Variants in CADM2 observed in about 807,000 individuals in gnomAD.
CADM2 encodes the protein cell adhesion molecule 2.
CADM2 carries 12 observed loss-of-function variants against 49.8 expected under a neutral mutation model. The observed-to-expected ratio is 0.24, with a 90% confidence interval of 0.15 to 0.39. CADM2 has a LOEUF of 0.39. CADM2 is among the 10% of genes least tolerant of loss of function. CADM2 has a pLI of 1.00. For synonymous variants in CADM2, 214 were observed against 175.4 expected, an observed-to-expected ratio of 1.22 and a Z score of -1.74; for missense variants, 378 against 492.3, an observed-to-expected ratio of 0.77 and a Z score of 2.20.
At chr3:85,347,816 T>G (rs1012042632) in intron 1 of CADM2, among the ~76,000 whole-genome samples, 62 of 132,292 alleles carry the variant, frequency 4.7e-4, no homozygotes, top group Non-Finnish European at 8.0e-4. Context: ...AGTTTTTTGT[T>G]TTTTTTTTTA....
intron 1 of CADM2, among the ~76,000 whole-genome samples, chr3:85,602,229 T>G (rs2063427549): frequency 6.6e-6 from 1 of 151,814 alleles, no homozygotes; most frequent in Non-Finnish European, 1.5e-5. Flanking sequence ...TAATGCTCCC[T>G]GTTTTTAGAA....
chr3:85,112,358 T>A (rs1219477304), intron 1 of CADM2, among the ~76,000 whole-genome samples: 1 of 138,962 alleles, frequency 7.2e-6, no homozygotes, highest in South Asian at 2.1e-4. Context: ...AAACTGTCAT[T>A]TTTTTTTTTT....
intron 8 of CADM2, among the ~76,000 whole-genome samples, chr3:85,977,205 T>A (rs1726900648): frequency 6.6e-6 from 1 of 151,324 alleles, no homozygotes. Flanking sequence ...AATCCTGTGA[T>A]TTGTATTCCT....
At chr3:85,982,202 GGTTT>G (rs1311185983) in intron 8 of CADM2, among the ~76,000 whole-genome samples, 1 of 151,356 alleles carries the variant, frequency 6.6e-6, no homozygotes, top group Non-Finnish European at 1.5e-5. Context: ...TAAAATCAGT[GGTTT>G]ACTCTTTCTG....
At chr3:84,961,970 A>G (rs1042346506) in intron 1 of CADM2, among the ~76,000 whole-genome samples, 2 of 152,086 alleles carry the variant, frequency 1.3e-5, no homozygotes, top group East Asian at 3.9e-4. Flanking sequence ...ACCCGGAGAG[A>G]TTCCATCAGC....
chr3:85,107,302 A>G (rs1237506323), intron 1 of CADM2, among the ~76,000 whole-genome samples: 1 of 152,218 alleles, frequency 6.6e-6, no homozygotes, highest in Admixed American at 6.5e-5. Context: ...TAAAAAGAAG[A>G]ATGAGTAAAG....
chr3:85,914,134 G>T (rs1403937027), intron 6 of CADM2, among the ~76,000 whole-genome samples: 10 of 152,082 alleles, frequency 6.6e-5, no homozygotes, highest in Non-Finnish European at 1.5e-4. Context: ...ATGTTTAAAT[G>T]ATTACAATTA....
chr3:85,658,287 C>T (rs1423809620), intron 1 of CADM2, among the ~76,000 whole-genome samples: 1 of 151,748 alleles, frequency 6.6e-6, no homozygotes, highest in African/African-American at 2.4e-5. Context: ...CAAGGAATGC[C>T]AAATACTGCA....
At chr3:85,422,927 G>C (rs2036240802) in intron 1 of CADM2, among the ~76,000 whole-genome samples, 1 of 152,130 alleles carries the variant, frequency 6.6e-6, no homozygotes, top group South Asian at 2.1e-4. Flanking sequence ...TCAGTGAAGA[G>C]TCAGTGTGAC....
chr3:85,417,970 A>C (rs1457693129), intron 1 of CADM2, among the ~76,000 whole-genome samples: 1 of 152,174 alleles, frequency 6.6e-6, no homozygotes, highest in Admixed American at 6.5e-5. Flanking sequence ...CCTTAGACAT[A>C]CTTTAAGTAG....
chr3:85,454,712 T>G (rs2037914541), intron 1 of CADM2, among the ~76,000 whole-genome samples: 2 of 152,120 alleles, frequency 1.3e-5, no homozygotes. Context: ...ACCCATTAAC[T>G]CAACAAATAT....
chr3:86,070,200 G>A lies in CADM2; in HGVS notation c.*3417G>A. On this transcript the variant is annotated 3_prime_UTR_variant, in exon 10 of 10. Transcript: ENST00000383699. Reference sequence around the variant, plus strand: ...AACTAACTTTCCTAAATATGGCAAAGAAACTAACACCTCATTTATTTTTAT... The same window carrying A: ...AACTAACTTTCCTAAATATGGCAAAAAAACTAACACCTCATTTATTTTTAT... 6.6e-6 allele frequency: 1 copy of A among 151,836 alleles called. No individual in the cohort carries two copies. The highest frequency in any genetic ancestry group is 1.9e-4 in the East Asian group (1 of 5,196). 9.4% of individuals were successfully genotyped at this position (151,836 alleles called of 1,614,324 possible). A position where few individuals can be genotyped will look rare whatever the true frequency, so the allele number is the denominator to read the frequency against.
intron 2 of CADM2, among the ~76,000 whole-genome samples, chr3:85,744,871 T>C (rs2068550721): frequency 6.6e-6 from 1 of 152,100 alleles, no homozygotes; most frequent in South Asian, 2.1e-4. Context: ...CTGAGTGCAA[T>C]GGCAAAGCAT....
At chr3:85,314,817 A>C (rs542335101) in intron 1 of CADM2, among the ~76,000 whole-genome samples, 1 of 152,348 alleles carries the variant, frequency 6.6e-6, no homozygotes, top group African/African-American at 2.4e-5. Flanking sequence ...AGAAAAACAA[A>C]GTAGATAAAT....
chr3:85,082,614 T>A (rs190003195), intron 1 of CADM2, among the ~76,000 whole-genome samples: 4 of 152,134 alleles, frequency 2.6e-5, no homozygotes, highest in Non-Finnish European at 4.4e-5. Context: ...TAGAAGTGAC[T>A]TGATAACTAG....
chr3:85,057,306 A>AT (rs147631348), intron 1 of CADM2, among the ~76,000 whole-genome samples: 13,137 of 150,722 alleles, frequency 0.087, 1,825 homozygotes, highest in African/African-American at 0.3. Flanking sequence ...CATTTTCAGA[A>AT]TTTTTTTTTT....
chr3:85,148,197 T>C (rs2039811426), intron 1 of CADM2, among the ~76,000 whole-genome samples: 1 of 152,162 alleles, frequency 6.6e-6, no homozygotes, highest in African/African-American at 2.4e-5. Flanking sequence ...TTCTCTCAGC[T>C]GTACGGGCAG....
At chr3:86,052,481 C>T (rs1351538676) in intron 8 of CADM2, among the ~76,000 whole-genome samples, 3 of 152,024 alleles carry the variant, frequency 2.0e-5, no homozygotes, top group African/African-American at 7.2e-5. Flanking sequence ...TAAGTCTTTT[C>T]ATTGGTATGT....
At position 85,772,775 on chromosome 3, in the gene CADM2, GTC is replaced by G. The variant is rs1559647194; in HGVS notation, c.89-29270_89-29269del. On this transcript the variant is annotated intron_variant, in intron 2 of 9. Transcript: ENST00000383699. ...CTATCTCTATTTAACTCCCATCACA[GTC>G]TAGAACAGAAGCTATGTTTTCTTTT... Among the ~76,000 whole-genome samples, 15 of 151,034 alleles carry G rather than the reference GTC, an allele frequency of 9.9e-5. No individual in the cohort carries two copies. The South Asian group carries it at 3.1e-3, about 31-fold the overall frequency.
Sources: gnomAD v4.1 joint callset for allele counts (sites outside exome capture counted in the v4.1 genomes callset) on GRCh38, gnomAD v4.1.1 for gene constraint, MANE v1.5 for transcripts, NCBI Gene and HGNC (gene_info 2026-07-23, HGNC 2026-07-21) for gene names.